MED12L: variants seen among roughly 807,000 people sequenced by gnomAD.
MED12L encodes the protein mediator of RNA polymerase II transcription subunit 12-like protein.
A neutral mutation model predicts 281.3 loss-of-function variants in MED12L; 60 were observed. The observed-to-expected ratio is 0.21, with a 90% CI of 0.17 to 0.26. The LOEUF (loss-of-function observed/expected upper bound fraction) is 0.26. Among genes scored for constraint, MED12L ranks in the 10% least tolerant of loss-of-function variants. The pLI, the probability that MED12L is intolerant of heterozygous loss-of-function variation, is 1.00. For synonymous variants in MED12L, 974 were observed against 987.2 expected, an observed-to-expected ratio of 0.99 and a Z score of 0.25; for missense variants, 2,146 against 2,680.9, an observed-to-expected ratio of 0.80 and a Z score of 4.41.
At chr3:151,295,017 T>C in intron 16 of MED12L, 2 of 1,613,756 alleles carry the variant, frequency 1.2e-6, no homozygotes, top group Non-Finnish European at 1.7e-6. Flanking sequence ...AGATAGAATA[T>C]GAAGCTGGTT....
intron 20 of MED12L, among the ~76,000 whole-genome samples, chr3:151,358,911 C>T (rs926186709): frequency 2.0e-5 from 3 of 152,082 alleles, no homozygotes; most frequent in South Asian, 2.1e-4. Context: ...AATAATTTTT[C>T]GCTTTATAGA....
At chr3:151,151,049 T>TTTTTTTTTTTTG in intron 5 of MED12L, among the ~76,000 whole-genome samples, 1 of 130,510 alleles carries the variant, frequency 7.7e-6, no homozygotes, top group Non-Finnish European at 1.6e-5. Flanking sequence ...TTTTTTTTTT[T>TTTTTTTTTTTTG]TTTTTGAGAT....
intron 16 of MED12L, among the ~76,000 whole-genome samples, chr3:151,349,641 G>C (rs1270071034): frequency 6.6e-6 from 1 of 152,032 alleles, no homozygotes; most frequent in Non-Finnish European, 1.5e-5. Flanking sequence ...TTCCCTAAAT[G>C]TAAATATTTA....
chr3:151,159,054 A>G (rs62284837), intron 7 of MED12L, among the ~76,000 whole-genome samples: 2,967 of 152,318 alleles, frequency 0.019, 33 homozygotes, highest in Middle Eastern at 0.037. Context: ...GATTTCTCCT[A>G]TCACTGAGCA....
chr3:151,297,729 A>G (rs1745296300), intron 16 of MED12L, among the ~76,000 whole-genome samples: 1 of 152,154 alleles, frequency 6.6e-6, no homozygotes, highest in Non-Finnish European at 1.5e-5. Context: ...ATATCATTAT[A>G]ATATTTTAAA....
intron 16 of MED12L, among the ~76,000 whole-genome samples, chr3:151,255,886 T>A (rs1191082915): frequency 6.6e-6 from 1 of 152,170 alleles, no homozygotes; most frequent in Non-Finnish European, 1.5e-5. Flanking sequence ...TTTCCCCATC[T>A]GCAAAAAGAG....
chr3:151,294,346 A>T, intron 16 of MED12L: 1 of 1,614,124 alleles, frequency 6.2e-7, no homozygotes, highest in Middle Eastern at 1.6e-4. Context: ...CAGACAAGAA[A>T]AGTGTAATTT....
chr3:151,242,139 G>A (rs937205303), intron 16 of MED12L, among the ~76,000 whole-genome samples: 4 of 152,250 alleles, frequency 2.6e-5, no homozygotes, highest in Admixed American at 6.5e-5. Flanking sequence ...ATGGAGTCTC[G>A]CTGATTGCTA....
At chr3:151,100,617 T>C (rs74648062) in intron 2 of MED12L, among the ~76,000 whole-genome samples, 2 of 152,216 alleles carry the variant, frequency 1.3e-5, no homozygotes, top group Admixed American at 6.5e-5. Context: ...TTTTTCATCT[T>C]CTTTTTTAAT....
At chr3:151,229,182 C>G (rs1731114503) in intron 16 of MED12L, among the ~76,000 whole-genome samples, 1 of 152,180 alleles carries the variant, frequency 6.6e-6, no homozygotes, top group East Asian at 1.9e-4. Flanking sequence ...AGAAGTGATT[C>G]CCATATACTC....
At position 151,273,809 on chromosome 3, in the gene MED12L, G is replaced by A. The variant is rs556005064; in HGVS notation, c.2251-76250G>A. ...AAGGCATATACCATTTCTTAATTGGGGTAGGAGTGGATTTAAATAAAACTT... is the reference window on the plus strand; with the variant it reads ...AAGGCATATACCATTTCTTAATTGGAGTAGGAGTGGATTTAAATAAAACTT... On this transcript the variant is annotated intron_variant, in intron 16 of 44. Transcript: ENST00000687756. Among the ~76,000 whole-genome samples, 19 of 152,176 alleles carry A rather than the reference G, an allele frequency of 1.2e-4. No homozygotes were observed. The South Asian group carries it at 3.9e-3, about 32-fold the overall frequency.
Position 151,165,358 on chromosome 3 carries a change from A to G in MED12L, c.1258-62A>G, listed in dbSNP as rs977754827. On this transcript the variant is annotated intron_variant, in intron 9 of 44. Transcript: ENST00000687756. The stretch of plus-strand genomic sequence containing the variant: ...CTTTACTCACGTGGAAAAACCTGAC[A>G]TGATTTAGACATGCGCTGTGGCATT... The G allele has an allele frequency of 1.9e-5, 26 of 1,350,472 alleles. No homozygotes were observed. The Admixed American group carries it at 2.9e-4, about 15-fold the overall frequency. 83.7% of individuals were successfully genotyped at this position (1,350,472 alleles called of 1,614,324 possible).
chr3:151,133,162 T>A (rs1021671514), intron 5 of MED12L, among the ~76,000 whole-genome samples: 1 of 152,232 alleles, frequency 6.6e-6, no homozygotes, highest in African/African-American at 2.4e-5. Context: ...TCGGTAGAAA[T>A]GACTTTTATT....
chr3:151,163,011 T>C (rs1174381416), intron 8 of MED12L, among the ~76,000 whole-genome samples: 3 of 152,298 alleles, frequency 2.0e-5, no homozygotes, highest in East Asian at 1.9e-4. Context: ...ATTAGCTTAA[T>C]TAAATGTGAG....
chr3:151,355,134 A>G lies in MED12L; in HGVS notation c.2412A>G (p.Gly804=), dbSNP rs375931529. Residue 804 remains glycine (G), a synonymous_variant, in exon 18 of 45, where the codon GGA becomes GGG. Coordinates refer to ENST00000687756, the MANE Select transcript of MED12L (RefSeq NM_001393769.1). ...STTETGVGDE[G]QKARKNKQET... ...ATGTTTATGTAGTTGGGGACGAAGG[A>G]CAAAAAGCCAGGAAGAACAAACAGG... 1 of 1,613,836 alleles carries G rather than the reference A, an allele frequency of 6.2e-7. No individual in the cohort carries two copies. Among genetic ancestry groups the G allele is most frequent in the African/African-American group, 1.3e-5 (1 of 75,058 alleles).
intron 2 of MED12L, among the ~76,000 whole-genome samples, chr3:151,094,851 C>A (rs1576712176): frequency 6.6e-6 from 1 of 152,190 alleles, no homozygotes; most frequent in African/African-American, 2.4e-5. Flanking sequence ...TATTAAGTAA[C>A]TTTGACTGAT....
chr3:151,144,008 A>G (rs938982549), intron 5 of MED12L, among the ~76,000 whole-genome samples: 2 of 152,266 alleles, frequency 1.3e-5, no homozygotes, highest in African/African-American at 4.8e-5. Flanking sequence ...GAAATTTACC[A>G]TATGATAATT....
At chr3:151,372,503 C>A in intron 26 of MED12L, 64 bp from the exon 27 acceptor site, 1 of 1,176,092 alleles carries the variant, frequency 8.5e-7, no homozygotes, top group Non-Finnish European at 1.3e-6. Context: ...TCCTCATTTG[C>A]TCCTCAATTA....
At chr3:151,141,243 C>T (rs145195639) in intron 5 of MED12L, among the ~76,000 whole-genome samples, 448 of 140,014 alleles carry the variant, frequency 3.2e-3, no homozygotes, top group African/African-American at 6.4e-3. Context: ...AGGCTGGTCT[C>T]GAAATCCTGA....
Sources: allele counts gnomAD v4.1 joint callset (sites outside exome capture counted in the v4.1 genomes callset), GRCh38; gene constraint gnomAD v4.1.1; transcripts MANE v1.5; gene names NCBI Gene and HGNC (gene_info 2026-07-23, HGNC 2026-07-21).